The following TSPEAR variants were observed in gnomAD, a reference collection of about 807,000 sequenced individuals.
TSPEAR encodes the protein thrombospondin type laminin G domain and EAR repeats.
In TSPEAR, 69 loss-of-function variants were observed where a neutral mutation model predicts 71.6. That is an observed-to-expected ratio of 0.96 (90% CI 0.79 to 1.18). TSPEAR has a LOEUF of 1.18. TSPEAR is among the 50% of genes most tolerant of loss of function. The pLI, the probability that TSPEAR is intolerant of heterozygous loss-of-function variation, is 0.00. For synonymous variants in TSPEAR, 402 were observed against 387.2 expected (o/e 1.04, Z -0.45); for missense variants, 971 against 894.9 (o/e 1.09, Z -1.09).
chr21:44,556,271 G>A (rs1391018936), intron 2 of TSPEAR, among the ~76,000 whole-genome samples: 1 of 151,758 alleles, frequency 6.6e-6, no homozygotes, highest in Non-Finnish European at 1.5e-5. Context: ...AGCTATTCAG[G>A]AGGCTGAGGG....
chr21:44,702,074 A>T, intron 1 of TSPEAR: 1 of 736,512 alleles, frequency 1.4e-6, no homozygotes, highest in Non-Finnish European at 2.2e-6. Flanking sequence ...GTGCCGTCAC[A>T]CACGTTCCTA....
At chr21:44,544,299 C>CA (rs3051761) in intron 2 of TSPEAR, among the ~76,000 whole-genome samples, 93 of 149,294 alleles carry the variant, frequency 6.2e-4, no homozygotes, top group Middle Eastern at 3.4e-3. Context: ...CATAATAAGA[C>CA]AAAAAAAAAA....
chr21:44,518,925 G>A (rs1046000204), intron 9 of TSPEAR: 3 of 248,048 alleles, frequency 1.2e-5, no homozygotes, highest in African/African-American at 2.3e-5. Flanking sequence ...AGCCCCGGGT[G>A]TTTCCACGGG....
rs2051970411 is a variant in TSPEAR at position 44,498,516 on chromosome 21, C to T, written c.*1267G>A. On this transcript the variant is annotated 3_prime_UTR_variant, in exon 12 of 12. Transcript: ENST00000323084. The stretch of plus-strand genomic sequence containing the variant: ...GAGCCCCGGAAAAACACGAAGGTCC[C>T]AAAGCCGGCAAAAGTAGACACTGAG... 2 of 152,272 alleles carry T rather than the reference C, an allele frequency of 1.3e-5. No homozygotes were observed. Among genetic ancestry groups the T allele is most frequent in the African/African-American group, 4.8e-5 (2 of 41,536 alleles). The allele number at this position is 152,272 out of a possible 1,614,324, so 9.4% of individuals were successfully genotyped here.
chr21:44,641,984 C>T lies in TSPEAR; in HGVS notation c.82+69449G>A, dbSNP rs1009072823. Among the ~76,000 whole-genome samples the T allele has an allele frequency of 2.0e-5, 3 of 152,004 alleles. No individual in the cohort carries two copies. In the South Asian group the frequency reaches 6.2e-4, roughly 32 times the overall value. On this transcript the variant is annotated intron_variant, in intron 1 of 11. Coordinates refer to ENST00000323084, the MANE Select transcript of TSPEAR (RefSeq NM_144991.3). The stretch of plus-strand genomic sequence containing the variant: ...AACGTCCACAAAAATCCACAGACAC[C>T]CATCAAGGAAAATCTAAAGAAAATA...
At chr21:44,566,441 C>G (rs1238129894) in intron 2 of TSPEAR, among the ~76,000 whole-genome samples, 1 of 152,214 alleles carries the variant, frequency 6.6e-6, no homozygotes, top group South Asian at 2.1e-4. Flanking sequence ...CAATACTCCC[C>G]AAATTAATTA....
At chr21:44,532,467 C>T (rs2052992841) in intron 3 of TSPEAR, among the ~76,000 whole-genome samples, 1 of 152,076 alleles carries the variant, frequency 6.6e-6, no homozygotes, top group Non-Finnish European at 1.5e-5. Context: ...GCTCTCAGGA[C>T]CTGAGAACTC....
At chr21:44,570,409 G>T (rs1166793963) in intron 1 of TSPEAR, among the ~76,000 whole-genome samples, 2 of 152,206 alleles carry the variant, frequency 1.3e-5, no homozygotes, top group Admixed American at 6.5e-5. Context: ...GGGGGCCTCT[G>T]GATGTTGACC....
intron 1 of TSPEAR, chr21:44,591,678 G>A: frequency 6.3e-7 from 1 of 1,579,616 alleles, no homozygotes; most frequent in Non-Finnish European, 8.7e-7. Flanking sequence ...GCACACAGCA[G>A]GCGTGCTGGC....
At chr21:44,559,803 T>C (rs1300685535) in intron 2 of TSPEAR, among the ~76,000 whole-genome samples, 1 of 152,178 alleles carries the variant, frequency 6.6e-6, no homozygotes, top group African/African-American at 2.4e-5. Flanking sequence ...CGCTATTTTC[T>C]ACTAAATCTT....
chr21:44,518,115 G>A (rs2052640395), intron 9 of TSPEAR: 5 of 355,932 alleles, frequency 1.4e-5, no homozygotes, highest in Admixed American at 1.3e-4. Flanking sequence ...CAAGCTCTCT[G>A]TCTCATTAGT....
In TSPEAR at chr21:44,612,946, T is replaced by A. The variant is rs1569219712; in HGVS notation, c.83-44941A>T. 3 of 1,585,604 alleles carry A rather than the reference T, an allele frequency of 1.9e-6. No homozygotes were observed. The highest frequency in any genetic ancestry group is 2.0e-4 in the Middle Eastern group (1 of 4,914). On this transcript the variant is annotated intron_variant, in intron 1 of 11. Coordinates refer to ENST00000323084, the MANE Select transcript of TSPEAR (RefSeq NM_144991.3). The surrounding 1 kb of genome is among the most constrained non-coding windows in gnomAD (Gnocchi z 4.1). The stretch of plus-strand genomic sequence containing the variant: ...GTCCCCCAGGGCCAGCCGGCTCCGG[T>A]CCTGTCCTGGGTTAAGTGGCTGCCC...
chr21:44,503,121 C>T (rs2052079197), intron 11 of TSPEAR, among the ~76,000 whole-genome samples: 1 of 139,294 alleles, frequency 7.2e-6, no homozygotes, highest in Non-Finnish European at 1.5e-5. Flanking sequence ...CTCGGTGAGT[C>T]CTCGGGGGGA....
At chr21:44,697,163 A>G in intron 1 of TSPEAR, 2 of 1,597,258 alleles carry the variant, frequency 1.3e-6, no homozygotes, top group Non-Finnish European at 1.7e-6. Flanking sequence ...TCTCCCTCTC[A>G]GCTCCCCCAG....
At chr21:44,702,261 C>T (rs1289680643) in intron 1 of TSPEAR, 3 of 1,606,116 alleles carry the variant, frequency 1.9e-6, no homozygotes, top group Non-Finnish European at 2.5e-6. Context: ...TGGACGACTG[C>T]CCGGAGAGCT....
chr21:44,545,060 C>A (rs2053279575), intron 2 of TSPEAR, among the ~76,000 whole-genome samples: 2 of 151,732 alleles, frequency 1.3e-5, no homozygotes, highest in South Asian at 4.2e-4. Context: ...TGGCTCACGC[C>A]TGTAATCCCA....
At chr21:44,647,124 G>C in intron 1 of TSPEAR, 1 of 1,614,084 alleles carries the variant, frequency 6.2e-7, no homozygotes. Context: ...CTAGCTGCCA[G>C]CCAGCTTGCT....
Position 44,499,843 on chromosome 21 carries a change from G to A in TSPEAR, c.1950C>T (p.Tyr650=). The part of the protein sequence containing the change: ...WEAFSTTAGA[Y]LIYSSAKEPL... ...GCTCCTTGGCGCTGGAGTAGATGAG[G>A]TAGGCACCAGCCGTGGTGCTGAAGG... The change falls in exon 12 of 12, where the codon TAC becomes TAT. Residue 650 remains tyrosine, a synonymous_variant. Coordinates refer to ENST00000323084, the MANE Select transcript of TSPEAR (RefSeq NM_144991.3). 6.3e-7 allele frequency: 1 copy of A among 1,597,536 alleles called. No homozygotes were observed.
intron 1 of TSPEAR, among the ~76,000 whole-genome samples, chr21:44,631,081 G>GAA (rs4050977): frequency 0.63 from 94,743 of 150,558 alleles, 30,117 homozygotes; most frequent in Admixed American, 0.68. Context: ...AGTAAAGAAA[G>GAA]AAAAAAAAGC....
Sources: gnomAD v4.1 joint callset for allele counts (sites outside exome capture counted in the v4.1 genomes callset) on GRCh38, gnomAD v4.1.1 for gene constraint, Gnocchi (gnomAD v3.1) non-coding constraint, MANE v1.5 for transcripts, NCBI Gene and HGNC (gene_info 2026-07-23, HGNC 2026-07-21) for gene names.